MYL6B: variants seen among roughly 807,000 people sequenced by gnomAD.
The protein encoded by MYL6B is myosin light chain 6B, also known as myosin alkali light chain 1 slow a.
In MYL6B, 19 loss-of-function variants were observed where a neutral mutation model predicts 24.5. That is an observed-to-expected ratio of 0.78 (90% CI 0.54 to 1.14). MYL6B has a LOEUF of 1.14. Among genes scored for constraint, MYL6B ranks in the 50% most tolerant of loss-of-function variants. The probability of loss-of-function intolerance (pLI) is 0.00; values close to 1 mark genes in which losing one functional copy is unlikely to be tolerated. For missense variants in MYL6B, 230 were observed against 263.8 expected, an observed-to-expected ratio of 0.87 and a Z score of 0.89; for synonymous variants, 90 against 100.7, an observed-to-expected ratio of 0.89 and a Z score of 0.64.
chr12:56,156,768 A>G (rs1871330336), intron 5 of MYL6B, among the ~76,000 whole-genome samples: 1 of 151,462 alleles, frequency 6.6e-6, no homozygotes, highest in Admixed American at 6.6e-5. Context: ...AAAAAGTACA[A>G]GGCTGGGCGT....
exon 2 of MYL6B, chr12:56,153,886 C>A: frequency 6.3e-7 from 1 of 1,575,906 alleles, no homozygotes; most frequent in South Asian, 1.1e-5. Flanking sequence ...TGGGTGCCCC[C>A]ATCCGCACAC....
At chr12:56,157,434 A>C in intron 5 of MYL6B, 34 bp from the exon 6 acceptor site, 1 of 1,603,438 alleles carries the variant, frequency 6.2e-7, no homozygotes, top group South Asian at 1.1e-5. Flanking sequence ...GAAGGAGGGA[A>C]AGGAGGGCCT....
chr12:56,153,872 G>A lies in MYL6B; in HGVS notation c.-46-1G>A, dbSNP rs1409511568. Reference sequence around the variant, plus strand: ...CCCAGACTCCCTGGCTATTTAAACAGAGATGGGTGCCCCCATCCGCACACT... The same window carrying A: ...CCCAGACTCCCTGGCTATTTAAACAAAGATGGGTGCCCCCATCCGCACACT... On this transcript the variant is annotated splice_acceptor_variant, in intron 1 of 6. Coordinates refer to ENST00000553066, the Ensembl canonical transcript of MYL6B. LOFTEE classifies it low-confidence loss of function (5UTR_SPLICE). 3.2e-6 allele frequency: 5 copies of A among 1,538,514 alleles called. No individual in the cohort carries two copies. Among genetic ancestry groups the A allele is most frequent in the Non-Finnish European group, 4.4e-6 (5 of 1,137,650 alleles).
chr12:56,153,983 C>T (rs35264647), exon 2 of MYL6B: 1 of 1,613,996 alleles, frequency 6.2e-7, no homozygotes, highest in Admixed American at 1.7e-5. Flanking sequence ...AAACCTGCTG[C>T]TAAGCCAGCA....
chr12:56,153,779 T>G, intron 1 of MYL6B, 94 bp from the exon 2 acceptor site: 2 of 858,326 alleles, frequency 2.3e-6, no homozygotes, highest in Non-Finnish European at 3.5e-6. Context: ...CAGGCGGTTA[T>G]ATCTCTCCTC....
chr12:56,157,332 C>G, intron 5 of MYL6B, 136 bp from the exon 6 acceptor site: 1 of 759,046 alleles, frequency 1.3e-6, no homozygotes, highest in Non-Finnish European at 2.2e-6. Flanking sequence ...TGCAGTGAGC[C>G]GAGATCGCTC....
chr12:56,153,992 C>A, exon 2 of MYL6B: 1 of 1,614,114 alleles, frequency 6.2e-7, no homozygotes, highest in Non-Finnish European at 8.5e-7. Flanking sequence ...GCTAAGCCAG[C>A]AGCAGCAGGG....
chr12:56,157,637 G>A, intron 6 of MYL6B, 61 bp from the exon 7 acceptor site: 1 of 1,613,350 alleles, frequency 6.2e-7, no homozygotes, highest in Non-Finnish European at 8.5e-7. Context: ...GGATTACCTA[G>A]AGTCAGATGT....
chr12:56,157,810 C>T (rs990401776), exon 7 of MYL6B: 5 of 1,526,852 alleles, frequency 3.3e-6, no homozygotes, highest in Non-Finnish European at 3.6e-6. Flanking sequence ...CATAGAAAAG[C>T]AGCGGAGTTC....
chr12:56,156,255 G>A (rs113191318), intron 5 of MYL6B: 12,319 of 155,214 alleles, frequency 0.079, 495 homozygotes, highest in African/African-American at 0.088. Context: ...GCAGTGAGCC[G>A]AGAGATCATG....
At chr12:56,153,881 G>A (rs1445136170) in exon 2 of MYL6B, 3 of 1,552,858 alleles carry the variant, frequency 1.9e-6, no homozygotes, top group Non-Finnish European at 2.6e-6. Flanking sequence ...AGAGATGGGT[G>A]CCCCCATCCG....
chr12:56,155,160 C>T (rs1413209377), exon 4 of MYL6B: 1 of 1,613,700 alleles, frequency 6.2e-7, no homozygotes, highest in East Asian at 2.2e-5. Context: ...CCCACCAACG[C>T]CGAGGTGCTC....
exon 7 of MYL6B, chr12:56,157,971 T>C: frequency 1.7e-6 from 1 of 590,260 alleles, no homozygotes; most frequent in Non-Finnish European, 3.0e-6. Flanking sequence ...AAAGACTGGG[T>C]TCCTCTCTTG....
chr12:56,155,978 T>G (rs910356740), intron 5 of MYL6B: 2 of 1,178,320 alleles, frequency 1.7e-6, no homozygotes, highest in African/African-American at 3.2e-5. Flanking sequence ...CCTTGAGGAC[T>G]GAGGCTATGG....
intron 2 of MYL6B, among the ~76,000 whole-genome samples, chr12:56,154,345 G>C (rs1871227033): frequency 6.6e-6 from 1 of 152,194 alleles, no homozygotes; most frequent in Admixed American, 6.5e-5. Flanking sequence ...TGGAGGCAGG[G>C]ACTCTTAGAT....
At chr12:56,155,859 C>T in intron 5 of MYL6B, 2 of 1,353,718 alleles carry the variant, frequency 1.5e-6, no homozygotes, top group Non-Finnish European at 1.9e-6. Flanking sequence ...GTTGTGTGTT[C>T]TGGTACAAGT....
chr12:56,153,023 G>C (rs2136901338), intron 1 of MYL6B, among the ~76,000 whole-genome samples: 1 of 152,052 alleles, frequency 6.6e-6, no homozygotes, highest in African/African-American at 2.4e-5. Context: ...GGAGCCATAG[G>C]AGCGCCCACA....
chr12:56,155,351 G>A (rs1871266171), intron 4 of MYL6B, 68 bp from the exon 5 acceptor site: 1 of 1,606,702 alleles, frequency 6.2e-7, no homozygotes, highest in Admixed American at 1.7e-5. Flanking sequence ...AAGCATTGTG[G>A]TAGGGTTGGG....
intron 2 of MYL6B, among the ~76,000 whole-genome samples, chr12:56,154,392 A>C (rs1871228575): frequency 2.0e-5 from 3 of 152,138 alleles, no homozygotes; most frequent in Admixed American, 6.5e-5. Context: ...TTTCAAGGTG[A>C]AGGGAAGAGA....
Sources: gnomAD v4.1 joint callset for allele counts (sites outside exome capture counted in the v4.1 genomes callset) on GRCh38, gnomAD v4.1.1 for gene constraint, MANE v1.5 for transcripts, NCBI Gene and HGNC (gene_info 2026-07-23, HGNC 2026-07-21) for gene names.